RNLS: variants seen among roughly 807,000 people sequenced by gnomAD.
The protein encoded by RNLS is renalase.
RNLS carries 39 observed loss-of-function variants against 39.8 expected under a neutral mutation model. The observed-to-expected ratio is 0.98, with a 90% CI of 0.76 to 1.28. The LOEUF is 1.28. RNLS is among the 50% of genes most tolerant of loss of function. RNLS has a pLI of 0.00. For synonymous variants in RNLS, 147 were observed against 150.7 expected (o/e 0.98, Z 0.18); for missense variants, 410 against 413.3 (o/e 0.99, Z 0.07).
intron 4 of RNLS, among the ~76,000 whole-genome samples, chr10:88,446,797 T>A (rs1842060567): frequency 6.6e-6 from 1 of 151,952 alleles, no homozygotes. Flanking sequence ...CAGCAACACA[T>A]CAAAAAGCTT....
chr10:88,480,969 T>C (rs573029649), intron 4 of RNLS, among the ~76,000 whole-genome samples: 2 of 152,276 alleles, frequency 1.3e-5, no homozygotes, highest in East Asian at 3.9e-4. Flanking sequence ...CTCTTTTCGA[T>C]TTTGTCAGTT....
intron 4 of RNLS, among the ~76,000 whole-genome samples, chr10:88,364,623 C>T (rs953062984): frequency 1.3e-5 from 2 of 152,126 alleles, no homozygotes; most frequent in Non-Finnish European, 2.9e-5. Flanking sequence ...TAAACTTTGA[C>T]ATTGCTTTCT....
intron 4 of RNLS, among the ~76,000 whole-genome samples, chr10:88,541,415 C>T (rs1390622069): frequency 6.6e-6 from 1 of 152,138 alleles, no homozygotes; most frequent in Non-Finnish European, 1.5e-5. Flanking sequence ...AATGCTGAAA[C>T]AGGATCAAAC....
chr10:88,173,842 G>T, the RNLS span, among the ~76,000 whole-genome samples: 1 of 152,042 alleles, frequency 6.6e-6, no homozygotes, highest in Non-Finnish European at 1.5e-5. Context: ...GGTGGTATTT[G>T]GTTACATGAA....
chr10:88,360,083 T>C (rs1210307832), intron 5 of RNLS, among the ~76,000 whole-genome samples: 1 of 152,256 alleles, frequency 6.6e-6, no homozygotes, highest in Non-Finnish European at 1.5e-5. Flanking sequence ...ATTTTGAATG[T>C]ACATGACTCT....
Position 88,583,262 on chromosome 10 carries a change from G to T in RNLS, c.-72C>A. ...TTCGGCCCGGGCTTTCTGGAAAGGC[G>T]GCCGAACCGGCGCTAGCGCTCTTTG... On this transcript the variant is annotated 5_prime_UTR_variant, in exon 1 of 7. Transcript: ENST00000331772. 3 of 1,584,470 alleles carry T rather than the reference G, an allele frequency of 1.9e-6. No homozygotes were observed. The highest frequency in any genetic ancestry group is 1.1e-5 in the South Asian group (1 of 87,548).
chr10:88,205,806 T>C, the RNLS span, among the ~76,000 whole-genome samples: 24 of 152,252 alleles, frequency 1.6e-4, 1 homozygote, highest in South Asian at 5.0e-3. Flanking sequence ...TTTGAGAATA[T>C]CATGTATACC....
intron 2 of RNLS, 24 bp from the exon 3 acceptor site, chr10:88,581,733 T>A: frequency 6.9e-7 from 1 of 1,448,856 alleles, no homozygotes; most frequent in African/African-American, 1.5e-5. Flanking sequence ...ATATGTATAT[T>A]TAATGTAATT....
rs548698025 is a variant in RNLS, at chr10:88,526,795, A to G, written c.526+46108T>C. Among the ~76,000 whole-genome samples, 5 of 152,048 alleles carry G rather than the reference A, an allele frequency of 3.3e-5. No individual in the cohort carries two copies. The South Asian group carries it at 1.0e-3, about 32-fold the overall frequency. ...AAAAAAAAAATCTGGAAGCTACTGA[A>G]TAGTAGAAAAGATAACTGCCCTTCA... On this transcript the variant is annotated intron_variant, in intron 4 of 6. Coordinates refer to ENST00000331772, the MANE Select transcript of RNLS (RefSeq NM_001031709.3).
the RNLS span, among the ~76,000 whole-genome samples, chr10:88,263,564 G>A: frequency 6.6e-6 from 1 of 151,730 alleles, no homozygotes; most frequent in Non-Finnish European, 1.5e-5. Flanking sequence ...TCTTGAAGAG[G>A]GTTGCCACTG....
chr10:88,265,753 GA>G, the RNLS span, among the ~76,000 whole-genome samples: 1 of 152,110 alleles, frequency 6.6e-6, no homozygotes, highest in East Asian at 1.9e-4. Context: ...GCTTTTTGGA[GA>G]AGTCTTCTTT....
chr10:88,446,745 A>G (rs1195821670), intron 4 of RNLS, among the ~76,000 whole-genome samples: 4 of 152,222 alleles, frequency 2.6e-5, no homozygotes, highest in Admixed American at 1.3e-4. Context: ...CCTGATGAAC[A>G]TCGATGCAAA....
chr10:88,446,759 C>T (rs922402584), intron 4 of RNLS, among the ~76,000 whole-genome samples: 3 of 152,118 alleles, frequency 2.0e-5, no homozygotes, highest in African/African-American at 7.2e-5. Context: ...ATGCAAAAAT[C>T]CTCAATAAGA....
the RNLS span, among the ~76,000 whole-genome samples, chr10:88,233,067 A>T: frequency 3.9e-5 from 6 of 152,194 alleles, no homozygotes; most frequent in Non-Finnish European, 8.8e-5. Flanking sequence ...AAGTGGAAGA[A>T]CTGGAGTTCC....
chr10:88,184,273 C>A, the RNLS span, among the ~76,000 whole-genome samples: 1 of 152,186 alleles, frequency 6.6e-6, no homozygotes, highest in South Asian at 2.1e-4. Flanking sequence ...TTGATGATAC[C>A]TTATTCAACT....
At chr10:88,455,667 A>C (rs759923211) in intron 4 of RNLS, among the ~76,000 whole-genome samples, 23 of 152,050 alleles carry the variant, frequency 1.5e-4, no homozygotes, top group Non-Finnish European at 2.9e-4. Context: ...CGACCTCCGA[A>C]AGTGCTGGAA....
At chr10:88,393,877 G>A (rs1356285026) in intron 4 of RNLS, among the ~76,000 whole-genome samples, 1 of 152,144 alleles carries the variant, frequency 6.6e-6, no homozygotes, top group East Asian at 1.9e-4. Flanking sequence ...AGAGCCCTGA[G>A]AAATAATGCC....
At chr10:88,515,394 A>G (rs909238579) in intron 4 of RNLS, among the ~76,000 whole-genome samples, 2 of 152,004 alleles carry the variant, frequency 1.3e-5, no homozygotes, top group African/African-American at 4.8e-5. Context: ...TGTCTTTCCC[A>G]TCTATGGGCT....
chr10:88,533,563 G>A (rs550552203), intron 4 of RNLS, among the ~76,000 whole-genome samples: 1 of 152,216 alleles, frequency 6.6e-6, no homozygotes, highest in Admixed American at 6.6e-5. Flanking sequence ...GCACAGGAGA[G>A]CAAAATTACC....
Sources: allele counts gnomAD v4.1 joint callset (sites outside exome capture counted in the v4.1 genomes callset), GRCh38; gene constraint gnomAD v4.1.1; transcripts MANE v1.5; gene names NCBI Gene and HGNC (gene_info 2026-07-23, HGNC 2026-07-21).